EIF2AK4: variants seen among roughly 807,000 people sequenced by gnomAD.
EIF2AK4 encodes the protein eIF-2-alpha kinase GCN2.
In EIF2AK4, 139 loss-of-function variants were observed where a neutral mutation model predicts 211.1. That is an observed-to-expected ratio of 0.66 (90% confidence interval 0.57 to 0.76). The LOEUF (loss-of-function observed/expected upper bound fraction) is 0.76, where lower values mean the gene tolerates loss of function less well. Among genes scored for constraint, EIF2AK4 ranks in the 30% least tolerant of loss-of-function variants. The probability of loss-of-function intolerance (pLI) is 0.00; values close to 1 mark genes in which losing one functional copy is unlikely to be tolerated. For missense variants in EIF2AK4, 1,664 were observed against 2,043.8 expected (o/e 0.81, Z 3.58); for synonymous variants, 710 against 751.3 (o/e 0.94, Z 0.90).
intron 13 of EIF2AK4, among the ~76,000 whole-genome samples, chr15:39,983,232 A>G (rs1449239224): frequency 6.6e-6 from 1 of 152,096 alleles, no homozygotes; most frequent in Non-Finnish European, 1.5e-5. Context: ...TTTAATGATC[A>G]CCATTCTAAC....
chr15:39,988,083 G>A lies in EIF2AK4; in HGVS notation c.2504G>A (p.Gly835Glu). ...AGGCTTTTTCGAGAGATTCTGGATG[G>A]ATTAGCTTATATCCATGAGAAAGTA... is the stretch of plus-strand genomic sequence containing the variant. ...LWRLFREILD[G>E]LAYIHEKGMI... The change falls in exon 15 of 39, where the codon GGA becomes GAA. Residue 835 changes from glycine to glutamate, a missense_variant. Physicochemically the swap from Gly to Glu is moderately conservative, Grantham distance 98. Transcript: ENST00000263791. 4 of 1,614,060 alleles carry A rather than the reference G, an allele frequency of 2.5e-6. No individual in the cohort carries two copies. Among genetic ancestry groups the A allele is most frequent in the Non-Finnish European group, 3.4e-6 (4 of 1,179,992 alleles).
At chr15:40,027,194 T>C (rs1302185853) in intron 33 of EIF2AK4, among the ~76,000 whole-genome samples, 1 of 152,250 alleles carries the variant, frequency 6.6e-6, no homozygotes, top group African/African-American at 2.4e-5. Context: ...GCACATCTTT[T>C]AGTACACTGT....
At chr15:39,988,237 T>C (rs2034893699) in intron 15 of EIF2AK4, 132 bp downstream of exon 15, 2 of 961,792 alleles carry the variant, frequency 2.1e-6, no homozygotes, top group East Asian at 5.2e-5. Context: ...CATAATCTAT[T>C]TTTGTAGGAA....
At chr15:39,948,566 T>C (rs2034261456) in intron 3 of EIF2AK4, among the ~76,000 whole-genome samples, 1 of 152,236 alleles carries the variant, frequency 6.6e-6, no homozygotes, top group Non-Finnish European at 1.5e-5. Flanking sequence ...TAAAATACTT[T>C]CTAAGTATTT....
intron 23 of EIF2AK4, among the ~76,000 whole-genome samples, chr15:40,006,151 A>T (rs549390516): frequency 1.7e-4 from 26 of 152,288 alleles, no homozygotes; most frequent in African/African-American, 6.0e-4. Context: ...AATGTATGTC[A>T]TATGGCTTAT....
intron 30 of EIF2AK4, chr15:40,020,680 C>T (rs2140945270): frequency 3.7e-6 from 1 of 269,078 alleles, no homozygotes; most frequent in Non-Finnish European, 7.2e-6. Context: ...CAGAGTGAGA[C>T]TCTGTCTCAG....
intron 9 of EIF2AK4, among the ~76,000 whole-genome samples, chr15:39,972,031 G>A (rs1343310093): frequency 6.6e-6 from 1 of 152,062 alleles, no homozygotes; most frequent in African/African-American, 2.4e-5. Flanking sequence ...CCATTAAACA[G>A]TAAGTTAATG....
intron 31 of EIF2AK4, chr15:40,021,578 A>G (rs998859260): frequency 5.2e-5 from 8 of 152,400 alleles, no homozygotes; most frequent in Admixed American, 2.0e-4. Context: ...AGCCTGCCAC[A>G]CTTCTGAAGG....
At chr15:39,946,204 T>C (rs530749759) in intron 3 of EIF2AK4, among the ~76,000 whole-genome samples, 2 of 152,324 alleles carry the variant, frequency 1.3e-5, no homozygotes, top group South Asian at 4.1e-4. Context: ...GCAAAGTAAA[T>C]GGAAAACCTT....
chr15:39,944,873 A>C (rs1223451407), intron 3 of EIF2AK4, among the ~76,000 whole-genome samples: 3 of 152,222 alleles, frequency 2.0e-5, no homozygotes, highest in African/African-American at 7.2e-5. Context: ...TTCATAACAC[A>C]ATGAGTCATA....
intron 17 of EIF2AK4, chr15:39,992,443 A>G (rs2034956557): frequency 3.7e-6 from 2 of 534,218 alleles, no homozygotes; most frequent in South Asian, 6.0e-5. Context: ...CAGTGAGTAG[A>G]ATAATTGGCT....
At chr15:39,964,964 T>C (rs192751067) in intron 7 of EIF2AK4, among the ~76,000 whole-genome samples, 1 of 152,370 alleles carries the variant, frequency 6.6e-6, no homozygotes, top group East Asian at 1.9e-4. Flanking sequence ...TGCACACTAA[T>C]CTATAATGAT....
chr15:39,985,737 A>C (rs2034855797), intron 13 of EIF2AK4, 68 bp from the exon 14 acceptor site: 1 of 1,496,058 alleles, frequency 6.7e-7, no homozygotes, highest in Admixed American at 1.7e-5. Flanking sequence ...ACAAATACTT[A>C]ATGATGGTGA....
At chr15:39,978,718 A>T (rs1408785411) in intron 13 of EIF2AK4, among the ~76,000 whole-genome samples, 1 of 152,138 alleles carries the variant, frequency 6.6e-6, no homozygotes, top group African/African-American at 2.4e-5. Flanking sequence ...TAAACAAACA[A>T]AAAAATCACA....
intron 6 of EIF2AK4, among the ~76,000 whole-genome samples, chr15:39,958,127 A>G (rs2034416771): frequency 6.6e-6 from 1 of 152,238 alleles, no homozygotes; most frequent in Non-Finnish European, 1.5e-5. Context: ...GTTCAGCGTG[A>G]GGCTGTATTT....
At chr15:39,952,506 G>A (rs2034332945) in intron 4 of EIF2AK4, among the ~76,000 whole-genome samples, 3 of 151,912 alleles carry the variant, frequency 2.0e-5, no homozygotes, top group Admixed American at 2.0e-4. Flanking sequence ...CAACTCCTGG[G>A]CTCAACCAAT....
In EIF2AK4 at chr15:39,967,837, T is replaced by C; in HGVS notation, c.1511T>C (p.Ile504Thr). Residue 504 changes from isoleucine to threonine, a missense_variant, in exon 9 of 39, where the codon ATC becomes ACC. Around this residue, in one of 7 missense-constraint regions of EIF2AK4, gnomAD observed 641 missense variants for 729.6 expected, o/e 0.88. Transcript: ENST00000263791. ...GQECGEYPVT[I>T]PSDLPADFQD... ...GAATGTGGAGAGTACCCTGTGACCA[T>C]CCCTAGTGACTTACCAGCTGACTTT... The C allele has an allele frequency of 6.2e-7, 1 of 1,614,106 alleles. No homozygotes were observed.
Position 39,967,217 on chromosome 15 carries a change from C to T in EIF2AK4, c.1018-127C>T, listed in dbSNP as rs553055375. ...AAAGTATATTTTCTATCAAATACTT[C>T]ACTTTTGGTTTTGGTTTTGTTTTTT... On this transcript the variant is annotated intron_variant, in intron 8 of 38. Coordinates refer to ENST00000263791, the MANE Select transcript of EIF2AK4 (RefSeq NM_001013703.4). 687 of 1,047,792 alleles carry T rather than the reference C, an allele frequency of 6.6e-4. 7 individuals carry two copies. The South Asian group carries it at 0.012, about 18-fold the overall frequency. 64.9% of individuals were successfully genotyped at this position (1,047,792 alleles called of 1,614,324 possible). A position where few individuals can be genotyped will look rare whatever the true frequency, so the allele number is the denominator to read the frequency against.
chr15:39,976,613 G>C lies in EIF2AK4; in HGVS notation c.2018G>C (p.Gly673Ala). 1 of 1,607,804 alleles carries C rather than the reference G, an allele frequency of 6.2e-7. No homozygotes were observed. Among genetic ancestry groups the C allele is most frequent in the Non-Finnish European group, 8.5e-7 (1 of 1,177,858 alleles). ...AGPGTPPPDSGPLAKDDRAAR... is the reference protein window; with the variant it reads ...AGPGTPPPDSAPLAKDDRAAR... ...CCGGGGACGCCGCCCCCGGACTCCG[G>C]GCCCCTGGCCAAGGATGACCGAGCT... is the stretch of plus-strand genomic sequence containing the variant. Residue 673 changes from glycine (G) to alanine (A), a missense_variant, in exon 12 of 39, where the codon GGG becomes GCG. Around this residue, in one of 7 missense-constraint regions of EIF2AK4, gnomAD observed 206 missense variants for 201.9 expected, o/e 1.02. Transcript: ENST00000263791.
Sources: allele counts gnomAD v4.1 joint callset (sites outside exome capture counted in the v4.1 genomes callset), GRCh38; gene constraint gnomAD v4.1.1; regional missense constraint gnomAD v4.1.1; transcripts MANE v1.5; gene names NCBI Gene and HGNC (gene_info 2026-07-23, HGNC 2026-07-21).